The following MCM2 variants were observed in gnomAD, a reference collection of about 807,000 sequenced individuals.
MCM2 encodes minichromosome maintenance complex component 2.
MCM2 carries 49 observed loss-of-function variants against 86.4 expected under a neutral mutation model. The observed-to-expected ratio is 0.57, with a 90% confidence interval of 0.45 to 0.72. MCM2 has a LOEUF of 0.72. Ranked by LOEUF, MCM2 falls within the 30% of genes least tolerant of loss-of-function variation. The pLI, the probability that MCM2 is intolerant of heterozygous loss-of-function variation, is 0.00. For synonymous variants in MCM2, 475 were observed against 484.6 expected, an observed-to-expected ratio of 0.98 and a Z score of 0.26; for missense variants, 1,038 against 1,259.9, an observed-to-expected ratio of 0.82 and a Z score of 2.67.
chr3:127,608,143 G>GTC, intron 6 of MCM2, among the ~76,000 whole-genome samples: 1 of 152,216 alleles, frequency 6.6e-6, no homozygotes, highest in Admixed American at 6.5e-5. Flanking sequence ...CAGCTTAGCT[G>GTC]TAAAGCATAG....
At chr3:127,615,500 TC>T (rs1446187727) in intron 8 of MCM2, among the ~76,000 whole-genome samples, 2 of 152,232 alleles carry the variant, frequency 1.3e-5, no homozygotes, top group African/African-American at 4.8e-5. Context: ...TTGCCATCTC[TC>T]TTTTCCATAT....
In MCM2 at chr3:127,617,529, C is replaced by A; in HGVS notation, c.1900+124C>A. 4.9e-6 allele frequency: 6 copies of A among 1,234,886 alleles called. No homozygotes were observed. Among genetic ancestry groups the A allele is most frequent in the Non-Finnish European group, 6.6e-6 (6 of 911,242 alleles). The allele number at this position is 1,234,886 out of a possible 1,614,324, so 76.5% of individuals were successfully genotyped here. A position where few individuals can be genotyped will look rare whatever the true frequency, so the allele number is the denominator to read the frequency against. ...GGAAGTCATTGTGCAGCAGAGGGTTCCCCTCTTCTGCATATCCTGCCAGAG... is the reference window on the plus strand; with the variant it reads ...GGAAGTCATTGTGCAGCAGAGGGTTACCCTCTTCTGCATATCCTGCCAGAG... On this transcript the variant is annotated intron_variant, in intron 11 of 15. Coordinates refer to ENST00000265056, the MANE Select transcript of MCM2 (RefSeq NM_004526.4). This position sits in a 1 kb window ranked among gnomAD's most constrained non-coding sequence, Gnocchi z 4.1.
intron 7 of MCM2, 131 bp from the exon 8 acceptor site, chr3:127,608,701 G>A (rs1232030591): frequency 3.4e-6 from 4 of 1,188,876 alleles, no homozygotes; most frequent in Non-Finnish European, 4.9e-6. Context: ...GTTTAGGAGG[G>A]GTTTTACTGA....
chr3:127,605,989 G>A, intron 4 of MCM2, 129 bp from the exon 5 acceptor site: 1 of 690,518 alleles, frequency 1.4e-6, no homozygotes, highest in Middle Eastern at 2.5e-4. Flanking sequence ...ACCTAGAAGT[G>A]AAAGCTGGGC....
At chr3:127,603,241 C>T (rs976797693) in intron 2 of MCM2, among the ~76,000 whole-genome samples, 2 of 152,072 alleles carry the variant, frequency 1.3e-5, no homozygotes, top group Admixed American at 6.5e-5. Flanking sequence ...CCTCGTGATC[C>T]GCCCGCCTCA....
At chr3:127,611,982 A>T (rs2074402093) in intron 8 of MCM2, among the ~76,000 whole-genome samples, 1 of 144,370 alleles carries the variant, frequency 6.9e-6, no homozygotes. Context: ...TACAGGCGTG[A>T]GCCACCGCGC....
At chr3:127,612,422 A>G (rs1477978286) in intron 8 of MCM2, among the ~76,000 whole-genome samples, 1 of 152,260 alleles carries the variant, frequency 6.6e-6, no homozygotes, top group Non-Finnish European at 1.5e-5. Flanking sequence ...TGAGAGGATG[A>G]GAGTAAACAC....
chr3:127,604,548 G>T, intron 2 of MCM2, 60 bp from the exon 3 acceptor site: 8 of 1,563,386 alleles, frequency 5.1e-6, no homozygotes, highest in Non-Finnish European at 7.0e-6. Context: ...CCTGGATGGG[G>T]TTTGGTGCTT....
rs1174580506 is a variant in MCM2, at chr3:127,599,435, C to G, written c.124C>G (p.Pro42Ala). The G allele has an allele frequency of 6.2e-7, 1 of 1,614,082 alleles. No homozygotes were observed. ...GCGTACTGATGCCCTCACCTCCAGC[C>G]CTGGCCGTGACCTTCCACCATTTGA... ...SRRTDALTSS[P>A]GRDLPPFEDE... Residue 42 changes from proline to alanine, a missense_variant, in exon 2 of 16, where the codon CCT becomes GCT. By Grantham distance (27) the Pro-to-Ala change is conservative (BLOSUM62 -1). Transcript: ENST00000265056.
chr3:127,604,569 T>C, intron 2 of MCM2, 39 bp from the exon 3 acceptor site: 1 of 1,596,482 alleles, frequency 6.3e-7, no homozygotes, highest in Non-Finnish European at 8.6e-7. Context: ...AGGGTTTTCC[T>C]TTTTGGCAGT....
At chr3:127,621,032 G>A (rs766935120) in intron 14 of MCM2, 41 bp from the exon 15 acceptor site, 34 of 1,607,274 alleles carry the variant, frequency 2.1e-5, no homozygotes, top group African/African-American at 1.6e-4. Flanking sequence ...TGTGGCAGGC[G>A]TAGTGGGAGC....
In MCM2 at chr3:127,617,910, T is replaced by TC; in HGVS notation, c.1901-56dup. ...CTTCTGCCATCAGAGCAGCCTGGGGTCCCTGAGATGGGAGGATAGGGGAAT... is the reference window on the plus strand; with the variant it reads ...CTTCTGCCATCAGAGCAGCCTGGGGTCCCCTGAGATGGGAGGATAGGGGAAT... On this transcript the variant is annotated intron_variant, in intron 11 of 15. Transcript: ENST00000265056. This position sits in a 1 kb window ranked among gnomAD's most constrained non-coding sequence, Gnocchi z 4.1. 7.6e-7 allele frequency: 1 copy of TC among 1,321,562 alleles called. No homozygotes were observed. The highest frequency in any genetic ancestry group is 1.2e-5 in the South Asian group (1 of 81,390). The allele number at this position is 1,321,562 out of a possible 1,614,324, so 81.9% of individuals were successfully genotyped here. A position where few individuals can be genotyped will look rare whatever the true frequency, so the allele number is the denominator to read the frequency against.
At chr3:127,600,606 C>G (rs17496901) in intron 2 of MCM2, among the ~76,000 whole-genome samples, 13 of 152,190 alleles carry the variant, frequency 8.5e-5, no homozygotes, top group Admixed American at 1.3e-4. Context: ...AACGATGAGA[C>G]TGCATGTGCT....
intron 4 of MCM2, among the ~76,000 whole-genome samples, chr3:127,605,375 G>A (rs1296959139): frequency 1.3e-5 from 2 of 151,584 alleles, no homozygotes; most frequent in Non-Finnish European, 2.9e-5. Flanking sequence ...GCTTGAAAAT[G>A]GACAGATTTT....
chr3:127,605,170 A>G lies in MCM2; in HGVS notation c.673+14A>G, dbSNP rs200831835. 1.4e-5 allele frequency: 23 copies of G among 1,608,278 alleles called. No individual in the cohort carries two copies. The Middle Eastern group carries it at 5.1e-4, about 36-fold the overall frequency. On this transcript the variant is annotated intron_variant, in intron 4 of 15. Coordinates refer to ENST00000265056, the MANE Select transcript of MCM2 (RefSeq NM_004526.4). Reference sequence around the variant, plus strand: ...ACATGTGCAAAGGTGTGGCTTCCCTACGCCCCCGCCTCAGCCCCTGTAGCG... The same window carrying G: ...ACATGTGCAAAGGTGTGGCTTCCCTGCGCCCCCGCCTCAGCCCCTGTAGCG...
chr3:127,603,603 A>AG (rs2074321971), intron 2 of MCM2, among the ~76,000 whole-genome samples: 1 of 151,936 alleles, frequency 6.6e-6, no homozygotes, highest in African/African-American at 2.4e-5. Flanking sequence ...CTCCCAGCTC[A>AG]GCCTCCTGAG....
Position 127,599,492 on chromosome 3 carries a change from G to T in MCM2, c.181G>T (p.Gly61Trp). Residue 61 changes from glycine (G) to tryptophan (W), a missense_variant, in exon 2 of 16, where the codon GGG becomes TGG. Gly to Trp is a radical substitution (Grantham distance 184, BLOSUM62 -2). Around this residue, in one of 4 missense-constraint regions of MCM2, gnomAD observed 300 missense variants for 307.4 expected, o/e 0.98. Transcript: ENST00000265056. ...DESEGLLGTE[G>W]PLEEEEDGEE... is the part of the protein sequence containing the mutation. ...GTCCGAGGGGCTCCTAGGCACAGAG[G>T]GGCCCCTGGAGGAAGAAGAGGATGG... 6.2e-7 allele frequency: 1 copy of T among 1,614,138 alleles called. No individual in the cohort carries two copies. Among genetic ancestry groups the T allele is most frequent in the Non-Finnish European group, 8.5e-7 (1 of 1,179,996 alleles).
rs1355571829 is a variant in MCM2 at position 127,606,128 on chromosome 3, G to A, written c.684G>A (p.Glu228=). The change falls in exon 5 of 16, where the codon GAG becomes GAA. Residue 228 remains glutamate, a synonymous_variant. Transcript: ENST00000265056. The surrounding 1 kb of genome is among the most constrained non-coding windows in gnomAD (Gnocchi z 4.2). ...TGTGCCCCCTTCTAGAGAACCGTGAGAGCCTGGTGGTGAACTATGAGGACT... is the reference window on the plus strand; with the variant it reads ...TGTGCCCCCTTCTAGAGAACCGTGAAAGCCTGGTGGTGAACTATGAGGACT... ...RISDMCKENR[E]SLVVNYEDLA... 1.2e-6 allele frequency: 2 copies of A among 1,613,966 alleles called. No individual in the cohort carries two copies. The highest frequency in any genetic ancestry group is 2.2e-5 in the South Asian group (2 of 91,092).
chr3:127,598,427 T>A lies in MCM2; in HGVS notation c.-40T>A. The A allele has an allele frequency of 6.2e-7, 1 of 1,613,312 alleles. No individual in the cohort carries two copies. The highest frequency in any genetic ancestry group is 8.5e-7 in the Non-Finnish European group (1 of 1,179,494). On this transcript the variant is annotated 5_prime_UTR_variant, in exon 1 of 16. Transcript: ENST00000265056. Reference sequence around the variant, plus strand: ...CGTGAACCACTTTTCGCGCGAAACCTGGTTGTTGCTGTAGTGGCGGAGAGG... The same window carrying A: ...CGTGAACCACTTTTCGCGCGAAACCAGGTTGTTGCTGTAGTGGCGGAGAGG...
Sources: gnomAD v4.1 joint callset for allele counts (sites outside exome capture counted in the v4.1 genomes callset) on GRCh38, gnomAD v4.1.1 for gene constraint, gnomAD v4.1.1 regional missense constraint, Gnocchi (gnomAD v3.1) non-coding constraint, MANE v1.5 for transcripts, NCBI Gene and HGNC (gene_info 2026-07-23, HGNC 2026-07-21) for gene names.